The following CCSER1 variants were observed in gnomAD, a reference collection of about 807,000 sequenced individuals.
The protein encoded by CCSER1 is coiled-coil serine rich protein 1, also known as serine-rich coiled-coil domain-containing protein 1.
Under a neutral mutation model 82.0 loss-of-function variants are expected in CCSER1, and 41 were observed. The observed-to-expected ratio is 0.50, with a 90% CI of 0.39 to 0.65. The LOEUF is 0.65. CCSER1 is among the 30% of genes least tolerant of loss of function. The pLI, the probability that CCSER1 is intolerant of heterozygous loss-of-function variation, is 0.00. For missense variants in CCSER1, 1,119 were observed against 1,064.2 expected, an observed-to-expected ratio of 1.05 and a Z score of -0.72; for synonymous variants, 414 against 383.9, an observed-to-expected ratio of 1.08 and a Z score of -0.92.
chr4:90,988,053 A>T (rs1248347424), intron 9 of CCSER1, among the ~76,000 whole-genome samples: 1 of 151,742 alleles, frequency 6.6e-6, no homozygotes, highest in Non-Finnish European at 1.5e-5. Context: ...ATGGTGGCTC[A>T]TGCCTGTAAT....
Position 90,941,958 on chromosome 4 carries a change from G to T in CCSER1, c.2172+18511G>T, listed in dbSNP as rs1212668760. ...TTTTTTCGTTTGTTTGTTTTGTTTT[G>T]TTTTTTTTGAGACAAGTTCTGGCTC... On this transcript the variant is annotated intron_variant, in intron 9 of 10. Transcript: ENST00000509176. Among the ~76,000 whole-genome samples the T allele has an allele frequency of 2.7e-5, 4 of 150,722 alleles. 1 individual carries two copies. The highest frequency in any genetic ancestry group is 2.0e-4 in the Admixed American group (3 of 15,102).
chr4:90,268,376 A>G (rs911748610), intron 1 of CCSER1, among the ~76,000 whole-genome samples: 3 of 152,176 alleles, frequency 2.0e-5, no homozygotes, highest in African/African-American at 7.2e-5. Context: ...AATAGAAACA[A>G]TGATAAGTTA....
At chr4:91,132,123 G>A (rs1728050780) in intron 10 of CCSER1, among the ~76,000 whole-genome samples, 1 of 151,884 alleles carries the variant, frequency 6.6e-6, no homozygotes, top group Non-Finnish European at 1.5e-5. Flanking sequence ...ACATAGACAT[G>A]GAAAATGAAT....
rs758131985 is a variant in CCSER1 at position 90,246,919 on chromosome 4, C to T, written c.-41-61325C>T. On this transcript the variant is annotated intron_variant, in intron 1 of 10. Transcript: ENST00000509176. ...CTTTCACCTTTTCACTTAAAGGAAA[C>T]ACTTTGCGGCTTCTCTTTGACATAT... is the stretch of plus-strand genomic sequence containing the variant. Among the ~76,000 whole-genome samples, 83 of 151,826 alleles carry T rather than the reference C, an allele frequency of 5.5e-4. 2 individuals are homozygous for T. Among genetic ancestry groups the T allele is most frequent in the Admixed American group, 2.0e-3 (31 of 15,214 alleles).
chr4:91,513,905 A>C (rs1395876825), intron 10 of CCSER1, among the ~76,000 whole-genome samples: 1 of 151,922 alleles, frequency 6.6e-6, no homozygotes, highest in Non-Finnish European at 1.5e-5. Context: ...TCAAATGATA[A>C]ATTTTTGGTT....
intron 9 of CCSER1, among the ~76,000 whole-genome samples, chr4:90,993,052 A>G (rs1737179498): frequency 6.6e-6 from 1 of 152,046 alleles, no homozygotes; most frequent in Non-Finnish European, 1.5e-5. Context: ...TATACTGCTT[A>G]GGTATTTGCA....
intron 9 of CCSER1, among the ~76,000 whole-genome samples, chr4:90,998,589 C>A (rs879790788): frequency 4.6e-5 from 7 of 152,144 alleles, no homozygotes; most frequent in African/African-American, 1.4e-4. Flanking sequence ...ATATGAAATA[C>A]ATAAAATTTA....
intron 10 of CCSER1, among the ~76,000 whole-genome samples, chr4:91,550,065 T>C (rs1371173779): frequency 6.6e-6 from 1 of 152,078 alleles, no homozygotes; most frequent in Admixed American, 6.5e-5. Context: ...CTGGCTACAG[T>C]TGGGTATTTT....
intron 3 of CCSER1, among the ~76,000 whole-genome samples, chr4:90,339,161 CA>C (rs1740931910): frequency 6.6e-6 from 1 of 152,138 alleles, no homozygotes; most frequent in Non-Finnish European, 1.5e-5. Context: ...TTACTCATGC[CA>C]AAAAACTTGA....
intron 10 of CCSER1, among the ~76,000 whole-genome samples, chr4:91,412,553 C>T (rs76890934): frequency 0.019 from 2,836 of 152,112 alleles, 47 homozygotes; most frequent in Non-Finnish European, 0.027. Flanking sequence ...GAAGTCCAAC[C>T]CACCCAGGGA....
At chr4:90,704,877 A>T (rs943052374) in intron 6 of CCSER1, among the ~76,000 whole-genome samples, 7 of 152,146 alleles carry the variant, frequency 4.6e-5, no homozygotes, top group Admixed American at 3.3e-4. Flanking sequence ...CCATTCATCT[A>T]ATCTTTTTTC....
intron 1 of CCSER1, among the ~76,000 whole-genome samples, chr4:90,198,397 G>T (rs546263598): frequency 6.6e-6 from 1 of 152,272 alleles, no homozygotes; most frequent in Admixed American, 6.5e-5. Context: ...GGAACCAGAG[G>T]CAGACACCAA....
intron 10 of CCSER1, among the ~76,000 whole-genome samples, chr4:91,308,629 T>G (rs1745238643): frequency 6.6e-6 from 1 of 152,052 alleles, no homozygotes; most frequent in Admixed American, 6.6e-5. Context: ...GTATCCTTGC[T>G]GTTGCACTAG....
At chr4:91,526,845 C>T (rs1427157556) in intron 10 of CCSER1, among the ~76,000 whole-genome samples, 2 of 152,138 alleles carry the variant, frequency 1.3e-5, no homozygotes, top group African/African-American at 4.8e-5. Context: ...CACCTGCCTT[C>T]GCCTCCCAAA....
chr4:91,008,519 C>T (rs1024178580), intron 9 of CCSER1, among the ~76,000 whole-genome samples: 1 of 152,126 alleles, frequency 6.6e-6, no homozygotes, highest in African/African-American at 2.4e-5. Context: ...AATATAGTCA[C>T]CCGTGCTCTC....
Position 90,308,874 on chromosome 4 carries a change from A to G in CCSER1, c.590A>G (p.Gln197Arg). The G allele has an allele frequency of 6.2e-7, 1 of 1,613,938 alleles. No homozygotes were observed. Among genetic ancestry groups the G allele is most frequent in the Non-Finnish European group, 8.5e-7 (1 of 1,179,854 alleles). The change falls in exon 2 of 11, where the codon CAG becomes CGG. Residue 197 changes from glutamine (Q) to arginine (R), a missense_variant. Transcript: ENST00000509176. ...TATAAATTTTCTAAGCCAGTTCTAC[A>G]GAGCCAATCCATTTCATTGGTACAA... ...SHYKFSKPVL[Q>R]SQSISLVQQS... is the part of the protein sequence containing the mutation.
At chr4:90,570,332 T>C (rs1176796937) in intron 5 of CCSER1, among the ~76,000 whole-genome samples, 5 of 152,044 alleles carry the variant, frequency 3.3e-5, no homozygotes, top group Non-Finnish European at 7.4e-5. Flanking sequence ...GGGAGATCCA[T>C]TGGGTTGGGG....
At position 90,932,983 on chromosome 4, in the gene CCSER1, A is replaced by AAAG. The variant is rs1554046127; in HGVS notation, c.2172+9536_2172+9537insAAG. 3.5e-4 allele frequency among the ~76,000 whole-genome samples: 5 copies of AAAG among 14,120 alleles called. 2 individuals carry two copies. Among genetic ancestry groups the AAAG allele is most frequent in the African/African-American group, 2.4e-3 (5 of 2,096 alleles). The allele number at this position is 14,120 out of a possible 152,430, so 9.3% of individuals were successfully genotyped here. A position where few individuals can be genotyped will look rare whatever the true frequency, so the allele number is the denominator to read the frequency against. On this transcript the variant is annotated intron_variant, in intron 9 of 10. Transcript: ENST00000509176. ...GAAAGAAAGAAAGAAAGAAAGAAAG[A>AAAG]GAAAGAAAGAAAGAAAGAAAGAAAG...
In CCSER1 at chr4:90,635,456, T is replaced by C. The variant is rs182629599; in HGVS notation, c.1932+7224T>C. 6.6e-3 allele frequency among the ~76,000 whole-genome samples: 1,000 copies of C among 151,782 alleles called. 12 individuals carry two copies. The highest frequency in any genetic ancestry group is 0.022 in the African/African-American group (926 of 41,510). ...TTGGAAATTAAATTACAAACTTCTA[T>C]ATAACCCACAGACGAATTTAGAAAG... is the stretch of plus-strand genomic sequence containing the variant. On this transcript the variant is annotated intron_variant, in intron 6 of 10. Coordinates refer to ENST00000509176, the MANE Select transcript of CCSER1 (RefSeq NM_001145065.2).
Sources: gnomAD v4.1 joint callset for allele counts (sites outside exome capture counted in the v4.1 genomes callset) on GRCh38, gnomAD v4.1.1 for gene constraint, MANE v1.5 for transcripts, NCBI Gene and HGNC (gene_info 2026-07-23, HGNC 2026-07-21) for gene names.